The following JAKMIP2 variants were observed in gnomAD, a reference collection of about 807,000 sequenced individuals.
JAKMIP2 encodes the protein janus kinase and microtubule interacting protein 2.
In JAKMIP2, 25 loss-of-function variants were observed where a neutral mutation model predicts 115.0. That is an observed-to-expected ratio of 0.22 (90% CI 0.16 to 0.30). JAKMIP2 has a LOEUF of 0.30. JAKMIP2 is among the 10% of genes least tolerant of loss of function. JAKMIP2 has a pLI of 1.00. For synonymous variants in JAKMIP2, 334 were observed against 343.6 expected (o/e 0.97, Z 0.31); for missense variants, 642 against 957.6 (o/e 0.67, Z 4.35).
At chr5:147,743,994 ACTTCTTTC>A (rs1754249074) in intron 1 of JAKMIP2, among the ~76,000 whole-genome samples, 2 of 69,226 alleles carry the variant, frequency 2.9e-5, no homozygotes, top group Non-Finnish European at 5.9e-5. Flanking sequence ...TTCCTTCCTA[ACTTCTTTC>A]CTTCCTTCCT....
intron 1 of JAKMIP2, among the ~76,000 whole-genome samples, chr5:147,675,165 A>G (rs918416370): frequency 2.0e-5 from 3 of 152,204 alleles, no homozygotes; most frequent in Admixed American, 6.5e-5. Context: ...AAAATATAAT[A>G]TTATGTGCCG....
At chr5:147,740,535 C>T (rs1754104348) in intron 1 of JAKMIP2, among the ~76,000 whole-genome samples, 2 of 152,186 alleles carry the variant, frequency 1.3e-5, no homozygotes, top group African/African-American at 4.8e-5. Context: ...TGAACCTACC[C>T]TACAACCCAA....
Position 147,782,547 on chromosome 5 carries a change from C to T in JAKMIP2, c.-240G>A, listed in dbSNP as rs1008024834. On this transcript the variant is annotated 5_prime_UTR_variant, in exon 1 of 22. Transcript: ENST00000616793. ...ACCGAGTCGGATGCAGCCTCCGAACCCAACATCAGCAGTGGCTGCCGGTTT... is the reference window on the plus strand; with the variant it reads ...ACCGAGTCGGATGCAGCCTCCGAACTCAACATCAGCAGTGGCTGCCGGTTT... 1.4e-6 allele frequency: 2 copies of T among 1,408,786 alleles called. No individual in the cohort carries two copies. The highest frequency in any genetic ancestry group is 1.9e-6 in the Non-Finnish European group (2 of 1,031,194). 87.3% of individuals were successfully genotyped at this position (1,408,786 alleles called of 1,614,324 possible).
chr5:147,731,030 T>C (rs1753713561), intron 1 of JAKMIP2, among the ~76,000 whole-genome samples: 1 of 152,178 alleles, frequency 6.6e-6, no homozygotes, highest in Non-Finnish European at 1.5e-5. Flanking sequence ...TAATTTTTTC[T>C]TTAACAGAAG....
At chr5:147,675,074 T>C (rs1213562639) in intron 1 of JAKMIP2, among the ~76,000 whole-genome samples, 1 of 152,254 alleles carries the variant, frequency 6.6e-6, no homozygotes, top group African/African-American at 2.4e-5. Context: ...CTATGAGTTC[T>C]ACAGAATTGC....
chr5:147,670,715 T>C (rs1759535878), intron 2 of JAKMIP2, among the ~76,000 whole-genome samples: 1 of 152,216 alleles, frequency 6.6e-6, no homozygotes, highest in Admixed American at 6.5e-5. Flanking sequence ...AAGCACATAA[T>C]ATACTTATCT....
At chr5:147,621,637 T>C (rs1756852384) in intron 17 of JAKMIP2, among the ~76,000 whole-genome samples, 1 of 152,198 alleles carries the variant, frequency 6.6e-6, no homozygotes, top group African/African-American at 2.4e-5. Flanking sequence ...TTTGGAAAGC[T>C]TTCTTGGCCA....
intron 1 of JAKMIP2, among the ~76,000 whole-genome samples, chr5:147,699,893 A>G (rs1752254905): frequency 6.6e-6 from 1 of 152,222 alleles, no homozygotes; most frequent in Non-Finnish European, 1.5e-5. Context: ...TGTCTATTCA[A>G]ACTTGGTGCT....
At chr5:147,631,601 GT>G in intron 13 of JAKMIP2, 90 bp from the exon 14 acceptor site, 1 of 689,650 alleles carries the variant, frequency 1.5e-6, no homozygotes. Flanking sequence ...TATTTCAGCA[GT>G]TTATTACTGT....
At chr5:147,612,994 C>T (rs1756405005) in intron 19 of JAKMIP2, among the ~76,000 whole-genome samples, 1 of 152,148 alleles carries the variant, frequency 6.6e-6, no homozygotes, top group African/African-American at 2.4e-5. Flanking sequence ...GATTACACAT[C>T]AACAAACATT....
intron 7 of JAKMIP2, among the ~76,000 whole-genome samples, chr5:147,642,218 C>T (rs940495005): frequency 2.0e-5 from 3 of 152,126 alleles, no homozygotes; most frequent in Admixed American, 6.5e-5. Flanking sequence ...ATTTTTGCAT[C>T]CTTGTTCTCA....
intron 1 of JAKMIP2, among the ~76,000 whole-genome samples, chr5:147,715,676 C>T (rs961177682): frequency 2.0e-5 from 3 of 151,606 alleles, no homozygotes; most frequent in Non-Finnish European, 4.4e-5. Flanking sequence ...AAAAATTGAC[C>T]AAATTTTAAA....
intron 2 of JAKMIP2, among the ~76,000 whole-genome samples, chr5:147,668,007 A>C (rs989003962): frequency 3.3e-5 from 5 of 152,184 alleles, no homozygotes; most frequent in Non-Finnish European, 1.5e-5. Context: ...TGAGTTAAAC[A>C]GTTTGAACCT....
At chr5:147,615,477 G>A (rs1756524436) in intron 19 of JAKMIP2, among the ~76,000 whole-genome samples, 1 of 152,158 alleles carries the variant, frequency 6.6e-6, no homozygotes, top group African/African-American at 2.4e-5. Context: ...ATCTGGTTTT[G>A]GAGGGCGGGG....
intron 21 of JAKMIP2, among the ~76,000 whole-genome samples, chr5:147,599,476 C>T (rs953619754): frequency 6.6e-6 from 1 of 152,226 alleles, no homozygotes; most frequent in Admixed American, 6.5e-5. Context: ...CTGTCACATT[C>T]ATCGGCTATA....
intron 8 of JAKMIP2, among the ~76,000 whole-genome samples, chr5:147,641,117 T>C (rs1757861731): frequency 6.6e-6 from 1 of 152,232 alleles, no homozygotes. Flanking sequence ...TGGTTTACTC[T>C]TTCCTGTATT....
chr5:147,678,980 T>C (rs1399200659), intron 1 of JAKMIP2, among the ~76,000 whole-genome samples: 2 of 144,168 alleles, frequency 1.4e-5, no homozygotes, highest in Non-Finnish European at 2.9e-5. Context: ...TATTTATTTA[T>C]TTATTTATTT....
At chr5:147,702,648 GA>G (rs879305917) in intron 1 of JAKMIP2, among the ~76,000 whole-genome samples, 3 of 107,996 alleles carry the variant, frequency 2.8e-5, no homozygotes, top group Admixed American at 9.3e-5. Flanking sequence ...AAGAAAGAAA[GA>G]AAGAAAGAAA....
intron 1 of JAKMIP2, among the ~76,000 whole-genome samples, chr5:147,745,136 T>C (rs983135140): frequency 1.3e-5 from 2 of 151,506 alleles, no homozygotes; most frequent in African/African-American, 4.9e-5. Context: ...TGAGTACTTC[T>C]TGAACACTAG....
Sources: allele counts gnomAD v4.1 joint callset (sites outside exome capture counted in the v4.1 genomes callset), GRCh38; gene constraint gnomAD v4.1.1; transcripts MANE v1.5; gene names NCBI Gene and HGNC (gene_info 2026-07-23, HGNC 2026-07-21).